PCSK2: variants seen among roughly 807,000 people sequenced by gnomAD.
PCSK2 encodes the protein proprotein convertase subtilisin/kexin type 2, also known as neuroendocrine convertase 2.
Under a neutral mutation model 69.7 loss-of-function variants are expected in PCSK2, and 14 were observed. The ratio of observed to expected loss-of-function variants is 0.20; its 90% CI spans 0.13 to 0.31. The LOEUF (loss-of-function observed/expected upper bound fraction) is 0.31, where lower values mean the gene tolerates loss of function less well. Among genes scored for constraint, PCSK2 ranks in the 10% least tolerant of loss-of-function variants. The pLI, the probability that PCSK2 is intolerant of heterozygous loss-of-function variation, is 1.00. For missense variants in PCSK2, 544 were observed against 842.5 expected (o/e 0.65, Z 4.39); for synonymous variants, 307 against 320.7 (o/e 0.96, Z 0.46).
intron 1 of PCSK2, among the ~76,000 whole-genome samples, chr20:17,229,148 A>G (rs1338790070): frequency 6.6e-6 from 1 of 151,894 alleles, no homozygotes; most frequent in Non-Finnish European, 1.5e-5. Context: ...ATTTTTACTT[A>G]ATCTTCTCAA....
intron 10 of PCSK2, among the ~76,000 whole-genome samples, chr20:17,462,896 A>G (rs1207375190): frequency 6.6e-6 from 1 of 152,188 alleles, no homozygotes; most frequent in Non-Finnish European, 1.5e-5. Flanking sequence ...TTGGGCTGCT[A>G]TGGTACAATT....
intron 4 of PCSK2, among the ~76,000 whole-genome samples, chr20:17,361,941 T>C (rs191675086): frequency 2.0e-5 from 3 of 152,300 alleles, no homozygotes; most frequent in African/African-American, 4.8e-5. Context: ...AGGAAAACAA[T>C]GCATCAGGAT....
chr20:17,237,977 G>A (rs1259983412), intron 1 of PCSK2, among the ~76,000 whole-genome samples: 1 of 152,172 alleles, frequency 6.6e-6, no homozygotes, highest in African/African-American at 2.4e-5. Context: ...TAACACTCCA[G>A]CATTTTGTCC....
At chr20:17,252,600 G>A (rs774900139) in intron 1 of PCSK2, among the ~76,000 whole-genome samples, 18 of 152,200 alleles carry the variant, frequency 1.2e-4, no homozygotes, top group South Asian at 2.1e-4. Flanking sequence ...CTGTTACGAG[G>A]AAGAGCGAGA....
chr20:17,379,528 T>C (rs1022007176), intron 5 of PCSK2, among the ~76,000 whole-genome samples: 1 of 152,256 alleles, frequency 6.6e-6, no homozygotes, highest in Non-Finnish European at 1.5e-5. Context: ...GTACTATAAC[T>C]GTCATTTTGG....
At chr20:17,340,677 A>T (rs749244826) in intron 2 of PCSK2, among the ~76,000 whole-genome samples, 10 of 152,142 alleles carry the variant, frequency 6.6e-5, no homozygotes, top group Admixed American at 2.6e-4. Context: ...ACACCAAGGA[A>T]TTTCTTCTGG....
chr20:17,275,917 T>G (rs75063816), intron 2 of PCSK2, among the ~76,000 whole-genome samples: 2 of 152,174 alleles, frequency 1.3e-5, no homozygotes, highest in Admixed American at 6.6e-5. Context: ...AAGTTTACGT[T>G]GTTATTTAAC....
rs866618256 is a variant in PCSK2, at chr20:17,481,988, C to T, written c.1835C>T (p.Ala612Val). The change falls in exon 12 of 12, where the codon GCC (alanine) becomes GTC (valine). Residue 612 changes from alanine to valine, a missense_variant. Around this residue, in one of 3 missense-constraint regions of PCSK2, gnomAD observed 200 missense variants for 287.8 expected, o/e 0.69. Coordinates refer to ENST00000262545, the MANE Select transcript of PCSK2 (RefSeq NM_002594.5). ...QVVRDYQSKLAMSKKEELEEE... is the reference protein window; with the variant it reads ...QVVRDYQSKLVMSKKEELEEE... ...GTGCGGGATTACCAGTCCAAGTTGGCCATGTCCAAGAAAGAGGAGCTGGAG... is the reference window on the plus strand; with the variant it reads ...GTGCGGGATTACCAGTCCAAGTTGGTCATGTCCAAGAAAGAGGAGCTGGAG... 6.2e-7 allele frequency: 1 copy of T among 1,612,238 alleles called. No homozygotes were observed. The highest frequency in any genetic ancestry group is 8.5e-7 in the Non-Finnish European group (1 of 1,179,546).
chr20:17,379,119 C>T (rs2031015920), intron 5 of PCSK2, among the ~76,000 whole-genome samples: 1 of 152,216 alleles, frequency 6.6e-6, no homozygotes, highest in Admixed American at 6.5e-5. Context: ...GTGCCTGTTT[C>T]CCAATCATAC....
At chr20:17,267,860 C>T (rs189311348) in intron 2 of PCSK2, among the ~76,000 whole-genome samples, 8 of 151,878 alleles carry the variant, frequency 5.3e-5, no homozygotes, top group African/African-American at 1.9e-4. Context: ...GGCTCTGTAT[C>T]GTCTTTACAA....
intron 2 of PCSK2, among the ~76,000 whole-genome samples, chr20:17,263,804 G>A (rs539155846): frequency 6.6e-6 from 1 of 152,286 alleles, no homozygotes; most frequent in South Asian, 2.1e-4. Flanking sequence ...TCGTGGTACA[G>A]GCACCAAAGC....
intron 2 of PCSK2, among the ~76,000 whole-genome samples, chr20:17,290,059 A>T (rs932142902): frequency 3.9e-5 from 6 of 152,254 alleles, no homozygotes; most frequent in African/African-American, 1.2e-4. Context: ...CTCTGTCATC[A>T]ATTTGGCAGG....
rs113702764 is a variant in PCSK2 at position 17,382,572 on chromosome 20, C to T, written c.543+13295C>T. Among the ~76,000 whole-genome samples the T allele has an allele frequency of 9.6e-3, 1,457 of 152,230 alleles. 9 individuals carry two copies. Among genetic ancestry groups the T allele is most frequent in the South Asian group, 0.015 (74 of 4,824 alleles). On this transcript the variant is annotated intron_variant, in intron 5 of 11. Transcript: ENST00000262545. ...CTCCCTTCTTTTTCCCCTCAGCCAC[C>T]CTATCTGCCAGTTCTGCTAGGCAAT...
chr20:17,292,835 AT>A (rs1988744352), intron 2 of PCSK2, among the ~76,000 whole-genome samples: 2 of 150,262 alleles, frequency 1.3e-5, no homozygotes, highest in African/African-American at 4.9e-5. Flanking sequence ...GTTTTTTTTT[AT>A]TTTTGTTTGA....
intron 2 of PCSK2, among the ~76,000 whole-genome samples, chr20:17,303,458 A>T (rs62202219): frequency 0.071 from 3,883 of 54,942 alleles, 208 homozygotes; most frequent in African/African-American, 0.089. Flanking sequence ...TATTATATTA[A>T]ATATAATATA....
intron 2 of PCSK2, among the ~76,000 whole-genome samples, chr20:17,336,060 C>T (rs765291917): frequency 1.3e-5 from 2 of 152,106 alleles, no homozygotes; most frequent in Non-Finnish European, 2.9e-5. Flanking sequence ...ACAGGTTCTA[C>T]CTCTTGATGA....
chr20:17,441,990 A>G (rs1350571950), intron 8 of PCSK2, among the ~76,000 whole-genome samples: 3 of 150,400 alleles, frequency 2.0e-5, no homozygotes, highest in Admixed American at 6.6e-5. Flanking sequence ...CCCTAATCCA[A>G]TATGATTGGT....
chr20:17,251,313 C>T (rs914899909), intron 1 of PCSK2, among the ~76,000 whole-genome samples: 10 of 152,092 alleles, frequency 6.6e-5, no homozygotes, highest in African/African-American at 2.4e-4. Flanking sequence ...GTAGAGAAAA[C>T]ATTTAAGAAC....
chr20:17,384,123 A>G (rs950938541), intron 5 of PCSK2, among the ~76,000 whole-genome samples: 1 of 152,198 alleles, frequency 6.6e-6, no homozygotes, highest in Non-Finnish European at 1.5e-5. Flanking sequence ...CCTATAAGCA[A>G]CAACTAGAAC....
Sources: allele counts gnomAD v4.1 joint callset (sites outside exome capture counted in the v4.1 genomes callset), GRCh38; gene constraint gnomAD v4.1.1; regional missense constraint gnomAD v4.1.1; transcripts MANE v1.5; gene names NCBI Gene and HGNC (gene_info 2026-07-23, HGNC 2026-07-21).